Variants in SLC35F3 observed in about 807,000 individuals in gnomAD.
SLC35F3 encodes the protein putative thiamine transporter SLC35F3.
Under a neutral mutation model 49.9 loss-of-function variants are expected in SLC35F3, and 25 were observed. That is an observed-to-expected ratio of 0.50 (90% CI 0.37 to 0.70). The LOEUF (loss-of-function observed/expected upper bound fraction) is 0.70. Among genes scored for constraint, SLC35F3 ranks in the 30% least tolerant of loss-of-function variants. The pLI, the probability that SLC35F3 is intolerant of heterozygous loss-of-function variation, is 0.00. For synonymous variants in SLC35F3, 275 were observed against 265.4 expected (o/e 1.04, Z -0.35); for missense variants, 525 against 639.8 (o/e 0.82, Z 1.94).
At chr1:234,074,579 C>G (rs1664766850) in intron 2 of SLC35F3, among the ~76,000 whole-genome samples, 1 of 152,066 alleles carries the variant, frequency 6.6e-6, no homozygotes, top group Admixed American at 6.5e-5. Flanking sequence ...CCCAGGGGGC[C>G]CAGTCAGAAA....
chr1:234,055,739 C>T (rs1664447813), intron 2 of SLC35F3, among the ~76,000 whole-genome samples: 1 of 152,212 alleles, frequency 6.6e-6, no homozygotes, highest in Non-Finnish European at 1.5e-5. Context: ...GTCGCTCACA[C>T]TGGGAGCTGT....
chr1:234,108,776 TTATATATAAAAGATATATATATTTATA>T (rs1211824712), intron 2 of SLC35F3, among the ~76,000 whole-genome samples: 5 of 88,222 alleles, frequency 5.7e-5, no homozygotes, highest in South Asian at 3.9e-4. Flanking sequence ...TATATATCTT[TTATATATAAAAGATATATATATTTATA>T]TATATATAAA....
Position 234,183,296 on chromosome 1 carries a change from C to T in SLC35F3, c.284-48121C>T, listed in dbSNP as rs755888775. Among the ~76,000 whole-genome samples, 109 of 143,138 alleles carry T rather than the reference C, an allele frequency of 7.6e-4. 9 individuals carry two copies. Among genetic ancestry groups the T allele is most frequent in the Non-Finnish European group, 1.3e-3 (86 of 67,064 alleles). The allele number at this position is 143,138 out of a possible 152,430, so 93.9% of individuals were successfully genotyped here. On this transcript the variant is annotated intron_variant, in intron 2 of 7. Transcript: ENST00000366618. ...GCCTTCAAAGTGCTGGGACTACACG[C>T]GTGAGCCACTGCACCTGGCCAGATT...
chr1:233,944,104 C>A (rs1428496161), intron 2 of SLC35F3, among the ~76,000 whole-genome samples: 1 of 152,124 alleles, frequency 6.6e-6, no homozygotes, highest in African/African-American at 2.4e-5. Context: ...CTCAATTTAA[C>A]AACCTAACCT....
intron 2 of SLC35F3, among the ~76,000 whole-genome samples, chr1:234,107,549 A>G (rs1488596302): frequency 6.6e-6 from 1 of 152,118 alleles, no homozygotes; most frequent in Non-Finnish European, 1.5e-5. Context: ...TACAGTGGAG[A>G]GCATCATGAC....
chr1:233,942,109 C>T (rs541684256), intron 2 of SLC35F3, among the ~76,000 whole-genome samples: 5 of 151,690 alleles, frequency 3.3e-5, no homozygotes, highest in South Asian at 4.2e-4. Flanking sequence ...TACAGGTGCC[C>T]GCCACCACAC....
intron 2 of SLC35F3, among the ~76,000 whole-genome samples, chr1:234,221,597 A>G (rs987881302): frequency 2.0e-5 from 3 of 152,162 alleles, no homozygotes; most frequent in Non-Finnish European, 4.4e-5. Flanking sequence ...GAGGTGGGAA[A>G]GGGTTCAGAA....
intron 2 of SLC35F3, among the ~76,000 whole-genome samples, chr1:234,113,241 G>T (rs191964425): frequency 9.2e-5 from 14 of 152,248 alleles, no homozygotes; most frequent in African/African-American, 2.6e-4. Flanking sequence ...TAAGCCCTTG[G>T]CCTTAGACCT....
At chr1:234,270,575 C>T (rs1167147294) in intron 3 of SLC35F3, among the ~76,000 whole-genome samples, 1 of 152,196 alleles carries the variant, frequency 6.6e-6, no homozygotes, top group Non-Finnish European at 1.5e-5. Context: ...CAATGACATT[C>T]ACTTCACCCT....
chr1:233,979,278 C>G (rs1481818193), intron 2 of SLC35F3, among the ~76,000 whole-genome samples: 1 of 152,092 alleles, frequency 6.6e-6, no homozygotes, highest in East Asian at 1.9e-4. Context: ...TCTGGACATT[C>G]AAGTCTCTCT....
chr1:234,077,550 G>T (rs983710961), intron 2 of SLC35F3, among the ~76,000 whole-genome samples: 1 of 152,170 alleles, frequency 6.6e-6, no homozygotes, highest in African/African-American at 2.4e-5. Context: ...TTTCTCCCTT[G>T]ACATGTGGGG....
chr1:234,280,735 C>A (rs1214483291), intron 3 of SLC35F3, among the ~76,000 whole-genome samples: 1 of 152,272 alleles, frequency 6.6e-6, no homozygotes, highest in Non-Finnish European at 1.5e-5. Flanking sequence ...CTCTATCTCA[C>A]TTCCACCGCA....
chr1:233,954,162 G>A (rs1394007668), intron 2 of SLC35F3, among the ~76,000 whole-genome samples: 4 of 152,032 alleles, frequency 2.6e-5, no homozygotes, highest in South Asian at 4.2e-4. Context: ...ATGTGCCACC[G>A]CACCTGGGTA....
At chr1:234,002,175 G>C (rs1302747979) in intron 2 of SLC35F3, among the ~76,000 whole-genome samples, 1 of 152,158 alleles carries the variant, frequency 6.6e-6, no homozygotes, top group Admixed American at 6.5e-5. Flanking sequence ...ATAGTACAGA[G>C]AGTTCCTATA....
intron 2 of SLC35F3, among the ~76,000 whole-genome samples, chr1:234,177,795 C>G (rs1301189642): frequency 6.6e-6 from 1 of 152,162 alleles, no homozygotes; most frequent in Non-Finnish European, 1.5e-5. Flanking sequence ...AGTCCGTGGT[C>G]TTATATTGGA....
At chr1:234,043,549 C>G (rs963456737) in intron 2 of SLC35F3, among the ~76,000 whole-genome samples, 3 of 152,114 alleles carry the variant, frequency 2.0e-5, no homozygotes, top group African/African-American at 7.2e-5. Context: ...CCACATTCAA[C>G]TGTTGTGTTA....
chr1:234,169,294 G>C (rs547182803), intron 2 of SLC35F3, among the ~76,000 whole-genome samples: 1 of 152,176 alleles, frequency 6.6e-6, no homozygotes, highest in Non-Finnish European at 1.5e-5. Flanking sequence ...CACCAGGAGT[G>C]TCTCACCAGC....
chr1:234,082,927 G>T (rs543554844), intron 2 of SLC35F3, among the ~76,000 whole-genome samples: 1 of 152,284 alleles, frequency 6.6e-6, no homozygotes, highest in South Asian at 2.1e-4. Context: ...TGAGATTTGG[G>T]TGGGGACACA....
intron 4 of SLC35F3, among the ~76,000 whole-genome samples, chr1:234,312,853 G>T (rs955963615): frequency 6.3e-5 from 8 of 126,604 alleles, no homozygotes; most frequent in African/African-American, 1.8e-4. Flanking sequence ...TTTTTTTTAG[G>T]TTTTTTTGTT....
Sources: allele counts gnomAD v4.1 joint callset (sites outside exome capture counted in the v4.1 genomes callset), GRCh38; gene constraint gnomAD v4.1.1; transcripts MANE v1.5; gene names NCBI Gene and HGNC (gene_info 2026-07-23, HGNC 2026-07-21).